OR13A1: variants seen among roughly 807,000 people sequenced by gnomAD.
OR13A1 encodes olfactory receptor family 13 subfamily A member 1, also known as olfactory receptor 13A1.
In OR13A1, 10 loss-of-function variants were observed where a neutral mutation model predicts 7.5. The ratio of observed to expected loss-of-function variants is 1.34; its 90% CI spans 0.83 to 2.27. The LOEUF (loss-of-function observed/expected upper bound fraction) is 2.27, where lower values mean the gene tolerates loss of function less well. Among genes scored for constraint, OR13A1 ranks in the 30% most tolerant of loss-of-function variants. OR13A1 has a pLI of 0.00. For synonymous variants in OR13A1, 238 were observed against 177.9 expected (o/e 1.34, Z -2.69); for missense variants, 509 against 419.1 (o/e 1.21, Z -1.87).
chr10:45,311,436 T>A (rs561767158), intron 1 of OR13A1, among the ~76,000 whole-genome samples: 2 of 152,290 alleles, frequency 1.3e-5, no homozygotes, highest in African/African-American at 4.8e-5. Flanking sequence ...GCAAAAGAGC[T>A]AAGAAAGGCT....
At chr10:45,307,946 A>G (rs1259237328) in intron 1 of OR13A1, 138 bp from the exon 2 acceptor site, 1 of 152,258 alleles carries the variant, frequency 6.6e-6, no homozygotes, top group Non-Finnish European at 1.5e-5. Flanking sequence ...TACATAAAAT[A>G]CAATTTACTT....
intron 1 of OR13A1, among the ~76,000 whole-genome samples, chr10:45,309,275 G>A (rs1397781329): frequency 6.6e-6 from 1 of 152,096 alleles, no homozygotes; most frequent in East Asian, 1.9e-4. Context: ...GGCGAGGCAT[G>A]GAGCAAATGT....
intron 1 of OR13A1, among the ~76,000 whole-genome samples, chr10:45,311,960 C>A (rs1012247895): frequency 6.6e-6 from 1 of 152,022 alleles, no homozygotes; most frequent in Admixed American, 6.6e-5. Flanking sequence ...GAGATGAAAA[C>A]TACAATGTCT....
intron 1 of OR13A1, among the ~76,000 whole-genome samples, chr10:45,311,311 G>T (rs369837326): frequency 6.6e-6 from 1 of 152,142 alleles, no homozygotes; most frequent in African/African-American, 2.4e-5. Flanking sequence ...ATTAAAAAGA[G>T]AAATACCATT....
chr10:45,313,325 C>CA (rs34064366), intron 1 of OR13A1, among the ~76,000 whole-genome samples: 3 of 150,838 alleles, frequency 2.0e-5, no homozygotes, highest in East Asian at 2.0e-4. Context: ...AATGTCACCA[C>CA]AAAAAAAAAT....
chr10:45,304,277 A>C lies in OR13A1; in HGVS notation c.146T>G (p.Phe49Cys), dbSNP rs1303600932. ...PEYRVFLFSCFLFLYSGALTG... is the reference protein window; with the variant it reads ...PEYRVFLFSCCLFLYSGALTG... ...GAGGGCCCCAGAGTAGAGGAAGAGG[A>C]AACAGCTGAATAAGAACACCCGGTA... The change falls in exon 4 of 4, where the codon TTC becomes TGC. Residue 49 changes from phenylalanine to cysteine, a missense_variant. By Grantham distance (205) the Phe-to-Cys change is radical. Coordinates refer to ENST00000553795, the MANE Select transcript of OR13A1 (RefSeq NM_001004297.3). The C allele has an allele frequency of 2.5e-6, 4 of 1,614,078 alleles. No homozygotes were observed. In the African/African-American group the frequency reaches 5.3e-5, roughly 22 times the overall value.
chr10:45,315,215 G>A (rs368108914), intron 1 of OR13A1, among the ~76,000 whole-genome samples: 2 of 152,272 alleles, frequency 1.3e-5, no homozygotes, highest in East Asian at 3.9e-4. Flanking sequence ...TTGGGAGGCT[G>A]AGACAGGAGA....
Position 45,303,360 on chromosome 10 carries a change from T to A in OR13A1, c.*76A>T. 1 of 1,443,280 alleles carries A rather than the reference T, an allele frequency of 6.9e-7. No homozygotes were observed. Among genetic ancestry groups the A allele is most frequent in the Non-Finnish European group, 9.4e-7 (1 of 1,066,180 alleles). The allele number at this position is 1,443,280 out of a possible 1,614,324, so 89.4% of individuals were successfully genotyped here. A position where few individuals can be genotyped will look rare whatever the true frequency, so the allele number is the denominator to read the frequency against. On this transcript the variant is annotated 3_prime_UTR_variant, in exon 4 of 4. Coordinates refer to ENST00000553795, the MANE Select transcript of OR13A1 (RefSeq NM_001004297.3). ...GTTAGAAAAAACAAGTCTATTTACC[T>A]CCCAGTCCAGAAACTTGCTCATCAG...
At position 45,304,116 on chromosome 10, in the gene OR13A1, G is replaced by A; in HGVS notation, c.307C>T (p.Leu103=). ...SSIMPKALAS[L]VSEESSISYG... ...GAGATGGAGCTCTCTTCCGACACCA[G>A]ACTGGCCAGCGCCTTGGGCATGATG... Residue 103 remains leucine, a synonymous_variant, in exon 4 of 4, where the codon CTG becomes TTG. Coordinates refer to ENST00000553795, the MANE Select transcript of OR13A1 (RefSeq NM_001004297.3). The A allele has an allele frequency of 1.2e-6, 2 of 1,614,194 alleles. No homozygotes were observed. The highest frequency in any genetic ancestry group is 1.1e-5 in the South Asian group (1 of 91,068).
intron 1 of OR13A1, among the ~76,000 whole-genome samples, chr10:45,314,284 A>G (rs1308624084): frequency 6.6e-6 from 1 of 152,142 alleles, no homozygotes. Context: ...TTTTATAGCT[A>G]TAAATATGTG....
At position 45,303,295 on chromosome 10, in the gene OR13A1, A is replaced by T; in HGVS notation, c.*141T>A. 1.1e-6 allele frequency: 1 copy of T among 878,584 alleles called. No homozygotes were observed. The highest frequency in any genetic ancestry group is 1.8e-6 in the Non-Finnish European group (1 of 568,138). The allele number at this position is 878,584 out of a possible 1,614,324, so 54.4% of individuals were successfully genotyped here. A position where few individuals can be genotyped will look rare whatever the true frequency, so the allele number is the denominator to read the frequency against. ...ATCCCCCCATCACCAAGTCTCAGGG[A>T]ACCAGCACTCCCAGCTCATCCATGC... On this transcript the variant is annotated 3_prime_UTR_variant, in exon 4 of 4. Transcript: ENST00000553795.
chr10:45,304,865 T>C (rs758963393), intron 3 of OR13A1, among the ~76,000 whole-genome samples: 5 of 152,236 alleles, frequency 3.3e-5, no homozygotes, highest in Non-Finnish European at 5.9e-5. Flanking sequence ...ATAGTGGAAA[T>C]TTAAAACAAT....
At chr10:45,305,112 G>C (rs1272706295) in intron 3 of OR13A1, among the ~76,000 whole-genome samples, 1 of 152,064 alleles carries the variant, frequency 6.6e-6, no homozygotes, top group African/African-American at 2.4e-5. Flanking sequence ...GTGGATGTCT[G>C]TAATCCCAGC....
chr10:45,305,017 A>G (rs1838298075), intron 3 of OR13A1, among the ~76,000 whole-genome samples: 2 of 152,142 alleles, frequency 1.3e-5, no homozygotes, highest in African/African-American at 4.8e-5. Context: ...GATCACTTGA[A>G]GCCAGGAATT....
intron 1 of OR13A1, 84 bp from the exon 2 acceptor site, chr10:45,307,892 A>G (rs1045999635): frequency 6.6e-6 from 1 of 152,226 alleles, no homozygotes; most frequent in African/African-American, 2.4e-5. Context: ...TCTGAAATTA[A>G]AAAGGTAATT....
chr10:45,307,414 T>C lies in OR13A1; in HGVS notation c.-13+12A>G, dbSNP rs1353765862. On this transcript the variant is annotated intron_variant, in intron 3 of 3. Transcript: ENST00000553795. ...TCACATTCAAGGAGCAAATTAGCCC[T>C]CAGGTAATTACCCACTTATTGTGAT... is the stretch of plus-strand genomic sequence containing the variant. 1 of 152,186 alleles carries C rather than the reference T, an allele frequency of 6.6e-6. No homozygotes were observed. Among genetic ancestry groups the C allele is most frequent in the Non-Finnish European group, 1.5e-5 (1 of 68,038 alleles). 9.4% of individuals were successfully genotyped at this position (152,186 alleles called of 1,614,324 possible).
rs756915978 is a variant in OR13A1 at position 45,304,275 on chromosome 10, G to A, written c.148C>T (p.Leu50Phe). The A allele has an allele frequency of 6.2e-7, 1 of 1,614,202 alleles. No individual in the cohort carries two copies. Among genetic ancestry groups the A allele is most frequent in the Non-Finnish European group, 8.5e-7 (1 of 1,180,042 alleles). The change falls in exon 4 of 4, where the codon CTC (leucine) becomes TTC (phenylalanine). Residue 50 changes from leucine (L) to phenylalanine (F), a missense_variant. Physicochemically the swap from Leu to Phe is conservative, Grantham distance 22. Coordinates refer to ENST00000553795, the MANE Select transcript of OR13A1 (RefSeq NM_001004297.3). ...GTGAGGGCCCCAGAGTAGAGGAAGAGGAAACAGCTGAATAAGAACACCCGG... is the reference window on the plus strand; with the variant it reads ...GTGAGGGCCCCAGAGTAGAGGAAGAAGAAACAGCTGAATAAGAACACCCGG... ...EYRVFLFSCF[L>F]FLYSGALTGN...
intron 3 of OR13A1, among the ~76,000 whole-genome samples, chr10:45,305,934 A>C (rs1323174063): frequency 6.6e-6 from 1 of 152,218 alleles, no homozygotes; most frequent in East Asian, 1.9e-4. Flanking sequence ...AGATTAACAC[A>C]TATGCCCGTT....
intron 3 of OR13A1, among the ~76,000 whole-genome samples, chr10:45,305,105 G>T (rs964577834): frequency 2.0e-5 from 3 of 152,034 alleles, no homozygotes; most frequent in African/African-American, 7.2e-5. Flanking sequence ...GGTGGTGGTG[G>T]ATGTCTGTAA....
Sources: gnomAD v4.1 joint callset for allele counts (sites outside exome capture counted in the v4.1 genomes callset) on GRCh38, gnomAD v4.1.1 for gene constraint, MANE v1.5 for transcripts, NCBI Gene and HGNC (gene_info 2026-07-23, HGNC 2026-07-21) for gene names.